The following PTAR1 variants were observed in gnomAD, a reference collection of about 807,000 sequenced individuals.
The protein encoded by PTAR1 is protein prenyltransferase alpha subunit repeat-containing protein 1.
Under a neutral mutation model 45.5 loss-of-function variants are expected in PTAR1, and 17 were observed. That is an observed-to-expected ratio of 0.37 (90% CI 0.26 to 0.56). PTAR1 has a LOEUF of 0.56. Ranked by LOEUF, PTAR1 falls within the 20% of genes least tolerant of loss-of-function variation. The pLI is 0.77. For synonymous variants in PTAR1, 169 were observed against 171.3 expected, an observed-to-expected ratio of 0.99 and a Z score of 0.11; for missense variants, 391 against 476.3, an observed-to-expected ratio of 0.82 and a Z score of 1.67.
chr9:69,723,073 A>T (rs1254455289), intron 6 of PTAR1, among the ~76,000 whole-genome samples: 1 of 152,076 alleles, frequency 6.6e-6, no homozygotes, highest in African/African-American at 2.4e-5. Context: ...ATTCTGTTGC[A>T]CAGTCAAGGT....
chr9:69,750,747 A>C (rs890033053), intron 2 of PTAR1, 34 bp downstream of exon 2: 1 of 1,542,536 alleles, frequency 6.5e-7, no homozygotes. Context: ...GTCGCTTCTA[A>C]AAACCAAATG....
chr9:69,731,018 CA>C (rs1825510446), intron 5 of PTAR1, among the ~76,000 whole-genome samples: 1 of 152,094 alleles, frequency 6.6e-6, no homozygotes, highest in South Asian at 2.1e-4. Context: ...GTAGTGGGGC[CA>C]AAATCTGAAC....
In PTAR1 at chr9:69,718,379, C is replaced by T. The variant is rs1485187701; in HGVS notation, c.1172G>A (p.Ser391Asn). The change falls in exon 8 of 8, where the codon AGT becomes AAT. Residue 391 changes from serine (S) to asparagine (N), a missense_variant. This residue lies in a region of PTAR1 where 181 missense variants were observed against 227.7 expected (regional missense o/e 0.80). Coordinates refer to ENST00000340434, the MANE Select transcript of PTAR1 (RefSeq NM_001099666.2). ...AGTAACCAGCCATTTCCTGTATGCACTGGCAAACCTGGCTTGCTCCACGTT... is the reference window on the plus strand; with the variant it reads ...AGTAACCAGCCATTTCCTGTATGCATTGGCAAACCTGGCTTGCTCCACGTT... ...CRNVEQARFASAYRKWLVTLS... is the reference protein window; with the variant it reads ...CRNVEQARFANAYRKWLVTLS... 6.2e-7 allele frequency: 1 copy of T among 1,612,162 alleles called. No homozygotes were observed. The highest frequency in any genetic ancestry group is 1.1e-5 in the South Asian group (1 of 90,948).
chr9:69,754,795 T>TC lies in PTAR1; in HGVS notation c.87-3846dup, dbSNP rs201064167. Among the ~76,000 whole-genome samples, 11 of 151,588 alleles carry TC rather than the reference T, an allele frequency of 7.3e-5. No homozygotes were observed. In the East Asian group the frequency reaches 2.1e-3, roughly 29 times the overall value. ...GTCTCAAACTCCTGGCCTCAAGTGA[T>TC]CCTCCCACTGAGCCTCCCAAAGTGT... On this transcript the variant is annotated intron_variant, in intron 1 of 7. Transcript: ENST00000340434.
In PTAR1 at chr9:69,720,815, C is replaced by T. The variant is rs118139887; in HGVS notation, c.948-2131G>A. The stretch of plus-strand genomic sequence containing the variant: ...TCTGCCTGTATGTTGACAGCACATC[C>T]GTTTAAAGAATGGTTAACTGAATAT... On this transcript the variant is annotated intron_variant, in intron 6 of 7. Transcript: ENST00000340434. Among the ~76,000 whole-genome samples the T allele has an allele frequency of 4.0e-3, 610 of 152,240 alleles. 2 individuals are homozygous for T. The highest frequency in any genetic ancestry group is 6.2e-3 in the Non-Finnish European group (419 of 68,008).
At chr9:69,733,918 GTA>G (rs1825663686) in intron 4 of PTAR1, among the ~76,000 whole-genome samples, 1 of 152,110 alleles carries the variant, frequency 6.6e-6, no homozygotes, top group Non-Finnish European at 1.5e-5. Context: ...TGAGACAGGT[GTA>G]ATTATTATTC....
chr9:69,735,666 T>C (rs937434745), intron 3 of PTAR1, among the ~76,000 whole-genome samples: 2 of 152,140 alleles, frequency 1.3e-5, no homozygotes, highest in African/African-American at 4.8e-5. Flanking sequence ...GAATTCTCAA[T>C]GTATCTATAA....
At chr9:69,732,013 G>T in intron 5 of PTAR1, 126 bp downstream of exon 5, 2 of 653,322 alleles carry the variant, frequency 3.1e-6, no homozygotes, top group East Asian at 5.4e-5. Context: ...AGCAGCTGTT[G>T]CGATTCTCTC....
At chr9:69,745,189 TGAG>T (rs1264592738) in intron 2 of PTAR1, among the ~76,000 whole-genome samples, 1 of 152,202 alleles carries the variant, frequency 6.6e-6, no homozygotes, top group East Asian at 1.9e-4. Flanking sequence ...TCTGGAATAA[TGAG>T]GAGGTTGTTC....
chr9:69,731,305 A>G (rs368392787), intron 5 of PTAR1, among the ~76,000 whole-genome samples: 137 of 152,274 alleles, frequency 9.0e-4, no homozygotes, highest in African/African-American at 3.2e-3. Context: ...GGGCACTTCA[A>G]TCTTCAACTT....
rs1274847000 is a variant in PTAR1, at chr9:69,716,298, A to C, written c.*2044T>G. 2 of 152,142 alleles carry C rather than the reference A, an allele frequency of 1.3e-5. No individual in the cohort carries two copies. Among genetic ancestry groups the C allele is most frequent in the Non-Finnish European group, 2.9e-5 (2 of 68,016 alleles). 9.4% of individuals were successfully genotyped at this position (152,142 alleles called of 1,614,324 possible). Reference sequence around the variant, plus strand: ...AAATCATAAACTTATGATTTTATCCATAGAGGTCTAGGTGGACCTTGAGGT... The same window carrying C: ...AAATCATAAACTTATGATTTTATCCCTAGAGGTCTAGGTGGACCTTGAGGT... On this transcript the variant is annotated 3_prime_UTR_variant, in exon 8 of 8. Coordinates refer to ENST00000340434, the MANE Select transcript of PTAR1 (RefSeq NM_001099666.2).
At chr9:69,752,000 T>A (rs891167640) in intron 1 of PTAR1, among the ~76,000 whole-genome samples, 2 of 152,156 alleles carry the variant, frequency 1.3e-5, no homozygotes, top group African/African-American at 4.8e-5. Flanking sequence ...AAGGAAGTTA[T>A]AATTCTTGCC....
intron 2 of PTAR1, among the ~76,000 whole-genome samples, chr9:69,747,711 C>A (rs924051081): frequency 1.3e-5 from 2 of 152,116 alleles, no homozygotes; most frequent in Non-Finnish European, 2.9e-5. Context: ...TATACTCAAC[C>A]AAGCCTTATG....
At chr9:69,724,635 C>G (rs1399367479) in intron 5 of PTAR1, among the ~76,000 whole-genome samples, 1 of 151,560 alleles carries the variant, frequency 6.6e-6, no homozygotes, top group Admixed American at 6.6e-5. Context: ...CCGCGGGAAT[C>G]TTTCCTTTTG....
chr9:69,719,987 C>T (rs572274130), intron 6 of PTAR1, among the ~76,000 whole-genome samples: 1 of 152,252 alleles, frequency 6.6e-6, no homozygotes, highest in South Asian at 2.1e-4. Context: ...TCTCCCTCAC[C>T]CCAGGCCTCC....
At chr9:69,759,830 G>A (rs1827008325) in intron 1 of PTAR1, 23 bp downstream of exon 1, 2 of 1,512,488 alleles carry the variant, frequency 1.3e-6, no homozygotes, top group Non-Finnish European at 1.8e-6. Flanking sequence ...GACCCTCGGA[G>A]GCGGCGGAGG....
chr9:69,753,243 A>C (rs1564148699), intron 1 of PTAR1, among the ~76,000 whole-genome samples: 1 of 152,090 alleles, frequency 6.6e-6, no homozygotes, highest in Non-Finnish European at 1.5e-5. Context: ...AAACTACAGA[A>C]AAGAGCCATC....
chr9:69,754,722 ATT>A (rs60535913), intron 1 of PTAR1, among the ~76,000 whole-genome samples: 164 of 141,210 alleles, frequency 1.2e-3, no homozygotes, highest in African/African-American at 3.8e-3. Context: ...ATATATATAT[ATT>A]TTTTTTTTTT....
At chr9:69,749,595 G>A (rs1284810125) in intron 2 of PTAR1, among the ~76,000 whole-genome samples, 1 of 152,070 alleles carries the variant, frequency 6.6e-6, no homozygotes, top group Non-Finnish European at 1.5e-5. Context: ...AAAGGACTGA[G>A]TGAAACAGTC....
Sources: allele counts gnomAD v4.1 joint callset (sites outside exome capture counted in the v4.1 genomes callset), GRCh38; gene constraint gnomAD v4.1.1; regional missense constraint gnomAD v4.1.1; transcripts MANE v1.5; gene names NCBI Gene and HGNC (gene_info 2026-07-23, HGNC 2026-07-21).